ARID3A: variants seen among roughly 807,000 people sequenced by gnomAD.
The protein encoded by ARID3A is AT-rich interaction domain 3A.
A neutral mutation model predicts 52.7 loss-of-function variants in ARID3A; 11 were observed. That is an observed-to-expected ratio of 0.21 (90% confidence interval 0.13 to 0.35). The LOEUF is 0.35. Among genes scored for constraint, ARID3A ranks in the 10% least tolerant of loss-of-function variants. The pLI is 1.00. For missense variants in ARID3A, 721 were observed against 838.5 expected (o/e 0.86, Z 1.73); for synonymous variants, 404 against 359.4 (o/e 1.12, Z -1.40).
intron 3 of ARID3A, among the ~76,000 whole-genome samples, chr19:958,651 T>C (rs2037974000): frequency 6.6e-6 from 1 of 152,018 alleles, no homozygotes; most frequent in South Asian, 2.1e-4. Context: ...CCCAGCACTT[T>C]GGGAGGCCGA....
At chr19:945,718 C>T (rs1417156570) in intron 3 of ARID3A, among the ~76,000 whole-genome samples, 2 of 152,078 alleles carry the variant, frequency 1.3e-5, no homozygotes, top group Admixed American at 6.5e-5. Context: ...GCCCGGACTC[C>T]AGGCAGGCCC....
chr19:933,850 G>GC, intron 3 of ARID3A, among the ~76,000 whole-genome samples: 1 of 148,194 alleles, frequency 6.7e-6, no homozygotes, highest in African/African-American at 2.5e-5. Flanking sequence ...ACTCGGTGGG[G>GC]GGGGGGGGCG....
Position 929,445 on chromosome 19 carries a change from C to A in ARID3A, c.-84C>A, listed in dbSNP as rs1326989229. 7.9e-7 allele frequency: 1 copy of A among 1,266,474 alleles called. No homozygotes were observed. The highest frequency in any genetic ancestry group is 1.6e-5 in the African/African-American group (1 of 61,370). The allele number at this position is 1,266,474 out of a possible 1,614,324, so 78.5% of individuals were successfully genotyped here. On this transcript the variant is annotated 5_prime_UTR_variant, in exon 2 of 9. Coordinates refer to ENST00000263620, the MANE Select transcript of ARID3A (RefSeq NM_005224.3). The surrounding 1 kb of genome is among the most constrained non-coding windows in gnomAD (Gnocchi z 6.2). ...GCTGCAGTGCGGCCGGGCCCCCTCC[C>A]CGCAGGGGCCGCCCCCGCCGCCCAC... is the stretch of plus-strand genomic sequence containing the variant.
chr19:951,323 G>A (rs888728703), intron 3 of ARID3A, among the ~76,000 whole-genome samples: 3 of 151,436 alleles, frequency 2.0e-5, no homozygotes, highest in African/African-American at 4.8e-5. Context: ...TTGGGAGGCC[G>A]AGGCGGGCGG....
intron 3 of ARID3A, chr19:958,116 T>A (rs2365706): frequency 0.78 from 114,992 of 147,892 alleles, 44,709 homozygotes; most frequent in Middle Eastern, 0.86. Context: ...CATCTAAAAA[T>A]AATAATAATA....
Position 950,986 on chromosome 19 carries a change from C to A in ARID3A, c.694-9106C>A, listed in dbSNP as rs118044948. Among the ~76,000 whole-genome samples the A allele has an allele frequency of 1.9e-3, 284 of 152,080 alleles. 10 individuals carry two copies. The East Asian group carries it at 0.051, about 27-fold the overall frequency. ...TACGGGCATGCACCACCACGCCTGG[C>A]CTATTTTGTATTTTTGATAGAGATG... On this transcript the variant is annotated intron_variant, in intron 3 of 8. Transcript: ENST00000263620.
chr19:932,295 G>T, intron 2 of ARID3A, 123 bp from the exon 3 acceptor site: 1 of 1,528,188 alleles, frequency 6.5e-7, no homozygotes, highest in Non-Finnish European at 8.7e-7. Flanking sequence ...AGTCTGAGCT[G>T]GCGGCGGCCG....
In ARID3A at chr19:964,640, CAG is replaced by C. The variant is rs912629627; in HGVS notation, c.951-192_951-191del. Among the ~76,000 whole-genome samples the C allele has an allele frequency of 9.9e-5, 15 of 152,244 alleles. No homozygotes were observed. The highest frequency in any genetic ancestry group is 1.7e-4 in the African/African-American group (7 of 41,542). ...CACACAGTCTCTGGGGTTGTGCAATCAGGGGCCATTGCGAGGAACAGCATTGA... is the reference window on the plus strand; with the variant it reads ...CACACAGTCTCTGGGGTTGTGCAATCGGGCCATTGCGAGGAACAGCATTGA... On this transcript the variant is annotated intron_variant, in intron 5 of 8. Transcript: ENST00000263620. The surrounding 1 kb of genome is among the most constrained non-coding windows in gnomAD (Gnocchi z 5.7).
chr19:926,197 G>C (rs1386331838), intron 1 of ARID3A, 138 bp downstream of exon 1: 1 of 151,096 alleles, frequency 6.6e-6, no homozygotes, highest in African/African-American at 2.4e-5. Flanking sequence ...CGCCCTGCGC[G>C]GTAAGGCTGG....
rs2037585023 is a variant in ARID3A at position 942,789 on chromosome 19, C to G, written c.693+10047C>G. On this transcript the variant is annotated intron_variant, in intron 3 of 8. Coordinates refer to ENST00000263620, the MANE Select transcript of ARID3A (RefSeq NM_005224.3). This position sits in a 1 kb window ranked among gnomAD's most constrained non-coding sequence, Gnocchi z 8.1. ...GCCCAGCAGCCTCCTCTGCCACCCT[C>G]AGAGACGGAGAACGTGAGAGCAAGT... Among the ~76,000 whole-genome samples, 1 of 152,222 alleles carries G rather than the reference C, an allele frequency of 6.6e-6. No homozygotes were observed. Among genetic ancestry groups the G allele is most frequent in the Non-Finnish European group, 1.5e-5 (1 of 68,030 alleles).
At chr19:961,669 A>C (rs1364749084) in intron 4 of ARID3A, 6 of 152,386 alleles carry the variant, frequency 3.9e-5, no homozygotes, top group Admixed American at 3.9e-4. Context: ...CTGTAATCCC[A>C]GCACTTTGGG....
In ARID3A at chr19:966,689, T is replaced by C. The variant is rs1343252018; in HGVS notation, c.1316T>C (p.Val439Ala). The C allele has an allele frequency of 1.2e-6, 2 of 1,611,298 alleles. No individual in the cohort carries two copies. Among genetic ancestry groups the C allele is most frequent in the Admixed American group, 1.7e-5 (1 of 59,862 alleles). The change falls in exon 7 of 9, where the codon GTG becomes GCG. Residue 439 changes from valine to alanine, a missense_variant. Transcript: ENST00000263620. ...CAAGCAGCAGCCGCCCAAGCAGCTGTGGCCGCACAGGCAGCTGCCCTGGAA... is the reference window on the plus strand; with the variant it reads ...CAAGCAGCAGCCGCCCAAGCAGCTGCGGCCGCACAGGCAGCTGCCCTGGAA... ...AVQAAAAQAA[V>A]AAQAAALEQL... is the part of the protein sequence containing the mutation.
At position 964,954 on chromosome 19, in the gene ARID3A, C is replaced by G; in HGVS notation, c.1072C>G (p.Leu358Val). The change falls in exon 6 of 9, where the codon CTC becomes GTC. Residue 358 changes from leucine (L) to valine (V), a missense_variant. This residue lies in a region of ARID3A where 297 missense variants were observed against 343.2 expected (regional missense o/e 0.87). Transcript: ENST00000263620. This position sits in a 1 kb window ranked among gnomAD's most constrained non-coding sequence, Gnocchi z 5.7. ...CCGGCGCCAGAGCTTTGGTGGCTCC[C>G]TCTTTGCCTACTCGCCAGGCGGGGC... The part of the protein sequence containing the change: ...EGRRQSFGGS[L>V]FAYSPGGAHG... 6.2e-7 allele frequency: 1 copy of G among 1,613,984 alleles called. No individual in the cohort carries two copies. The highest frequency in any genetic ancestry group is 8.5e-7 in the Non-Finnish European group (1 of 1,180,024).
chr19:929,750 C>T lies in ARID3A; in HGVS notation c.222C>T (p.His74=), dbSNP rs767784999. 9 of 1,554,316 alleles carry T rather than the reference C, an allele frequency of 5.8e-6. No homozygotes were observed. In the East Asian group the frequency reaches 1.9e-4, roughly 33 times the overall value. The change falls in exon 2 of 9, where the codon CAC becomes CAT. Residue 74 remains histidine, a synonymous_variant. Coordinates refer to ENST00000263620, the MANE Select transcript of ARID3A (RefSeq NM_005224.3). This position sits in a 1 kb window ranked among gnomAD's most constrained non-coding sequence, Gnocchi z 6.2. ...AMRAAAAGLG[H]PASPGGSEDG... ...GGGCTGCAGCTGCGGGCCTGGGACA[C>T]CCAGCCAGCCCCGGCGGCTCTGAGG...
In ARID3A at chr19:947,462, C is replaced by T. The variant is rs922287613; in HGVS notation, c.694-12630C>T. On this transcript the variant is annotated intron_variant, in intron 3 of 8. Transcript: ENST00000263620. This position sits in a 1 kb window ranked among gnomAD's most constrained non-coding sequence, Gnocchi z 6.3. ...GACTCGTGGGCCTCAGTTTCCCCAA[C>T]TGTGAAACGGGCTGGCGGCCGGTCA... 6.6e-6 allele frequency among the ~76,000 whole-genome samples: 1 copy of T among 152,204 alleles called. No individual in the cohort carries two copies. The highest frequency in any genetic ancestry group is 1.5e-5 in the Non-Finnish European group (1 of 68,044).
At chr19:946,579 T>A (rs1249257981) in intron 3 of ARID3A, among the ~76,000 whole-genome samples, 3 of 151,656 alleles carry the variant, frequency 2.0e-5, no homozygotes, top group African/African-American at 7.3e-5. Flanking sequence ...TAGCTGGGAC[T>A]ACAGGCGCCC....
intron 3 of ARID3A, among the ~76,000 whole-genome samples, chr19:955,310 G>A (rs1219955175): frequency 2.6e-5 from 4 of 152,172 alleles, no homozygotes; most frequent in Admixed American, 6.5e-5. Flanking sequence ...AAGCCCAGGC[G>A]GCCTTTACTG....
intron 3 of ARID3A, among the ~76,000 whole-genome samples, chr19:937,519 G>T (rs555135686): frequency 6.6e-6 from 1 of 151,960 alleles, no homozygotes; most frequent in Non-Finnish European, 1.5e-5. Context: ...TTATGTGGGC[G>T]TACGTTTGTA....
At chr19:954,571 C>T (rs1249911689) in intron 3 of ARID3A, among the ~76,000 whole-genome samples, 6 of 152,178 alleles carry the variant, frequency 3.9e-5, no homozygotes, top group Non-Finnish European at 7.3e-5. Context: ...GAGACAAATG[C>T]GTGAATCCAC....
Sources: allele counts gnomAD v4.1 joint callset (sites outside exome capture counted in the v4.1 genomes callset), GRCh38; gene constraint gnomAD v4.1.1; regional missense constraint gnomAD v4.1.1; non-coding constraint Gnocchi (gnomAD v3.1); transcripts MANE v1.5; gene names NCBI Gene and HGNC (gene_info 2026-07-23, HGNC 2026-07-21).